BMP2K: variants seen among roughly 807,000 people sequenced by gnomAD.
The protein encoded by BMP2K is BMP2 inducible kinase.
Under a neutral mutation model 116.0 loss-of-function variants are expected in BMP2K, and 74 were observed. The observed-to-expected ratio is 0.64, with a 90% CI of 0.53 to 0.77. The LOEUF (loss-of-function observed/expected upper bound fraction) is 0.77. Ranked by LOEUF, BMP2K falls within the 30% of genes least tolerant of loss-of-function variation. BMP2K has a pLI of 0.00. For synonymous variants in BMP2K, 486 were observed against 502.5 expected, an observed-to-expected ratio of 0.97 and a Z score of 0.44; for missense variants, 1,365 against 1,403.6, an observed-to-expected ratio of 0.97 and a Z score of 0.44.
At chr4:78,811,835 A>T (rs1729106904) in intron 1 of BMP2K, among the ~76,000 whole-genome samples, 1 of 152,156 alleles carries the variant, frequency 6.6e-6, no homozygotes, top group East Asian at 1.9e-4. Context: ...ACAAAAACCC[A>T]TATTTTCCCT....
chr4:78,783,318 T>C (rs1727594545), intron 1 of BMP2K, among the ~76,000 whole-genome samples: 1 of 152,198 alleles, frequency 6.6e-6, no homozygotes, highest in South Asian at 2.1e-4. Flanking sequence ...CAAATGGTTC[T>C]TTTTTGGGTT....
At chr4:78,833,239 GTTATT>G (rs138695719) in intron 2 of BMP2K, among the ~76,000 whole-genome samples, 9,480 of 151,998 alleles carry the variant, frequency 0.062, 400 homozygotes, top group East Asian at 0.22. Context: ...TTGGAGCTTA[GTTATT>G]TTATTTTTTA....
At chr4:78,847,543 A>C (rs1731067429) in intron 6 of BMP2K, among the ~76,000 whole-genome samples, 1 of 151,626 alleles carries the variant, frequency 6.6e-6, no homozygotes, top group Non-Finnish European at 1.5e-5. Flanking sequence ...ATTATATATG[A>C]GTGTTAACAT....
At chr4:78,834,464 T>C (rs1251930236) in intron 3 of BMP2K, among the ~76,000 whole-genome samples, 13 of 152,112 alleles carry the variant, frequency 8.5e-5, no homozygotes, top group Admixed American at 7.9e-4. Flanking sequence ...GGTTTCACCA[T>C]GTTCACCAGG....
At chr4:78,810,396 T>A (rs909138242) in intron 1 of BMP2K, among the ~76,000 whole-genome samples, 1 of 152,206 alleles carries the variant, frequency 6.6e-6, no homozygotes, top group East Asian at 1.9e-4. Flanking sequence ...CCTGTAGATA[T>A]CTCATTCCTA....
Position 78,872,736 on chromosome 4 carries a change from C to T in BMP2K, c.1731C>T (p.Ser577=). The change falls in exon 13 of 16, where the codon TCC becomes TCT. Residue 577 remains serine (S), a synonymous_variant. Coordinates refer to ENST00000502613, the MANE Select transcript of BMP2K (RefSeq NM_198892.2). ...AAGAGTTCTCACCAGCCTTAGTTTC[C>T]TACACTTCATCACTTCCAGCTCAGG... ...SPQEFSPALV[S]YTSSLPAQVG... is the part of the protein sequence containing the mutation. The T allele has an allele frequency of 6.2e-7, 1 of 1,614,170 alleles. No individual in the cohort carries two copies. Among genetic ancestry groups the T allele is most frequent in the African/African-American group, 1.3e-5 (1 of 75,060 alleles).
intron 1 of BMP2K, among the ~76,000 whole-genome samples, chr4:78,811,325 A>G (rs1384396689): frequency 2.0e-5 from 3 of 152,222 alleles, no homozygotes; most frequent in African/African-American, 7.2e-5. Context: ...CCCTTGACTG[A>G]GTATTTTGCG....
chr4:78,848,499 T>C (rs1364327843), intron 6 of BMP2K, among the ~76,000 whole-genome samples: 3 of 151,502 alleles, frequency 2.0e-5, no homozygotes, highest in Non-Finnish European at 4.4e-5. Flanking sequence ...GCTGTTGAAT[T>C]CCATGTTACT....
At chr4:78,806,269 G>A (rs553274372) in intron 1 of BMP2K, among the ~76,000 whole-genome samples, 21 of 151,996 alleles carry the variant, frequency 1.4e-4, no homozygotes, top group African/African-American at 5.1e-4. Flanking sequence ...TAGAACTCCT[G>A]GACTCATGCA....
intron 1 of BMP2K, among the ~76,000 whole-genome samples, chr4:78,786,904 T>C (rs942654671): frequency 6.6e-6 from 1 of 152,216 alleles, no homozygotes; most frequent in Non-Finnish European, 1.5e-5. Flanking sequence ...ATTCATTCTT[T>C]TTTTCCCTCT....
chr4:78,804,914 A>C (rs1728744812), intron 1 of BMP2K, among the ~76,000 whole-genome samples: 1 of 151,368 alleles, frequency 6.6e-6, no homozygotes, highest in Non-Finnish European at 1.5e-5. Context: ...AAAATTTTAA[A>C]TTTTGATGAA....
chr4:78,776,481 G>T lies in BMP2K; in HGVS notation c.-63G>T. The T allele has an allele frequency of 9.0e-7, 1 of 1,111,514 alleles. No homozygotes were observed. The highest frequency in any genetic ancestry group is 1.1e-6 in the Non-Finnish European group (1 of 910,636). The allele number at this position is 1,111,514 out of a possible 1,614,324, so 68.9% of individuals were successfully genotyped here. ...GGCGACCCCTCGCGGACGCCCGGCT[G>T]CGCGCCGGGCCGGGGACTTGCCCTT... On this transcript the variant is annotated 5_prime_UTR_variant, in exon 1 of 16. Transcript: ENST00000502613.
Position 78,911,164 on chromosome 4 carries a change from CAAGAA to C in BMP2K, c.2623_2627del (p.Lys875Ter). ...TGCAGTGCGTGCTCAACAGCCCCAGCAAGAAAAGAATGAAAAGAACCTCCCTCAAC... is the reference window on the plus strand; with the variant it reads ...TGCAGTGCGTGCTCAACAGCCCCAGCAAGAATGAAAAGAACCTCCCTCAAC... On this transcript the variant is annotated frameshift_variant, in exon 16 of 16. Coordinates refer to ENST00000502613, the MANE Select transcript of BMP2K (RefSeq NM_198892.2). LOFTEE classifies it high-confidence loss of function. The C allele has an allele frequency of 1.2e-6, 2 of 1,613,730 alleles. No homozygotes were observed. Among genetic ancestry groups the C allele is most frequent in the Non-Finnish European group, 1.7e-6 (2 of 1,179,792 alleles).
In BMP2K at chr4:78,776,633, C is replaced by A. The variant is rs1481860134; in HGVS notation, c.90C>A (p.Ala30=). 8.2e-7 allele frequency: 1 copy of A among 1,214,468 alleles called. No homozygotes were observed. The allele number at this position is 1,214,468 out of a possible 1,614,324, so 75.2% of individuals were successfully genotyped here. Residue 30 remains alanine (A), a synonymous_variant, in exon 1 of 16, where the codon GCC becomes GCA. Coordinates refer to ENST00000502613, the MANE Select transcript of BMP2K (RefSeq NM_198892.2). Reference sequence around the variant, plus strand: ...GGGCTGGCGGGGCCGGGGCCGGGGCCGGCTGCGGCTCCGGCGGCTCGTCCG... The same window carrying A: ...GGGCTGGCGGGGCCGGGGCCGGGGCAGGCTGCGGCTCCGGCGGCTCGTCCG... ...GGGAGGAGAG[A]GCGSGGSSVG... is the part of the protein sequence containing the mutation.
At chr4:78,851,356 T>C (rs1731242122) in intron 7 of BMP2K, among the ~76,000 whole-genome samples, 1 of 152,118 alleles carries the variant, frequency 6.6e-6, no homozygotes, top group Admixed American at 6.6e-5. Context: ...TATTTTAATT[T>C]TTCTTCCAAC....
chr4:78,864,188 C>A (rs1731932067), intron 9 of BMP2K, among the ~76,000 whole-genome samples: 1 of 151,972 alleles, frequency 6.6e-6, no homozygotes, highest in African/African-American at 2.4e-5. Context: ...GGGTTTAGAC[C>A]AGCAACAAGG....
chr4:78,819,387 T>C (rs1729511026), intron 1 of BMP2K, among the ~76,000 whole-genome samples: 1 of 152,174 alleles, frequency 6.6e-6, no homozygotes, highest in Non-Finnish European at 1.5e-5. Context: ...ATACTACTAA[T>C]TGTATTAGTA....
intron 1 of BMP2K, among the ~76,000 whole-genome samples, chr4:78,791,959 C>T (rs1410882866): frequency 2.0e-5 from 3 of 151,994 alleles, no homozygotes; most frequent in African/African-American, 7.3e-5. Context: ...TGGTATATAT[C>T]CGGAAGGGAA....
chr4:78,871,683 C>T (rs1362852597), intron 11 of BMP2K, among the ~76,000 whole-genome samples, 167 bp from the exon 12 acceptor site: 1 of 152,120 alleles, frequency 6.6e-6, no homozygotes, highest in Non-Finnish European at 1.5e-5. Flanking sequence ...GAAACCAGTT[C>T]TGATAAGCAT....
Sources: allele counts gnomAD v4.1 joint callset (sites outside exome capture counted in the v4.1 genomes callset), GRCh38; gene constraint gnomAD v4.1.1; transcripts MANE v1.5; gene names NCBI Gene and HGNC (gene_info 2026-07-23, HGNC 2026-07-21).